TFEC: variants seen among roughly 807,000 people sequenced by gnomAD.
TFEC encodes transcription factor EC, also known as class E basic helix-loop-helix protein 34.
In TFEC, 31 loss-of-function variants were observed where a neutral mutation model predicts 41.6. The observed-to-expected ratio is 0.74, with a 90% CI of 0.56 to 1.01. TFEC has a LOEUF of 1.01. Among genes scored for constraint, TFEC ranks in the 50% least tolerant of loss-of-function variants. The pLI is 0.00. For missense variants in TFEC, 402 were observed against 404.1 expected (o/e 0.99, Z 0.04); for synonymous variants, 143 against 140.6 (o/e 1.02, Z -0.12).
At chr7:115,992,534 G>A (rs375472392) in intron 1 of TFEC, among the ~76,000 whole-genome samples, 11 of 152,280 alleles carry the variant, frequency 7.2e-5, no homozygotes, top group African/African-American at 2.6e-4. Context: ...TGGCACCACT[G>A]ATCCCACAGA....
At chr7:116,145,097 C>G (rs567189385) in intron 1 of TFEC, among the ~76,000 whole-genome samples, 12 of 152,314 alleles carry the variant, frequency 7.9e-5, no homozygotes, top group Admixed American at 3.9e-4. Flanking sequence ...AATCACCCCA[C>G]CTTTTTCCTT....
chr7:115,986,557 G>A (rs1276097100), intron 1 of TFEC, among the ~76,000 whole-genome samples: 1 of 152,044 alleles, frequency 6.6e-6, no homozygotes, highest in Non-Finnish European at 1.5e-5. Flanking sequence ...AAGAGAAAGT[G>A]ATTTTAAGTC....
chr7:115,974,162 G>C lies in TFEC; in HGVS notation c.267+8C>G. On this transcript the variant is annotated splice_region_variant and intron_variant, in intron 3 of 7. Transcript: ENST00000265440. ...TTCAATGACCTTCTTGGGTCTGAAA[G>C]CACTTACTGTTCTTTGCATTAGCAG... The C allele has an allele frequency of 6.3e-7, 1 of 1,581,890 alleles. No individual in the cohort carries two copies. Among genetic ancestry groups the C allele is most frequent in the South Asian group, 1.2e-5 (1 of 84,972 alleles).
intron 1 of TFEC, among the ~76,000 whole-genome samples, chr7:116,146,317 A>G (rs1244618983): frequency 1.3e-5 from 2 of 152,208 alleles, no homozygotes; most frequent in African/African-American, 4.8e-5. Flanking sequence ...CCTGAGTATA[A>G]CAAAGAAAAC....
intron 3 of TFEC, among the ~76,000 whole-genome samples, chr7:115,969,703 C>T (rs892226607): frequency 6.6e-6 from 1 of 151,928 alleles, no homozygotes; most frequent in African/African-American, 2.4e-5. Flanking sequence ...GAAGATTATT[C>T]TGGCTGCTCT....
intron 3 of TFEC, among the ~76,000 whole-genome samples, chr7:115,969,916 TTTTG>T (rs1471909180): frequency 6.6e-6 from 1 of 151,984 alleles, no homozygotes; most frequent in Non-Finnish European, 1.5e-5. Context: ...GAATGACCAT[TTTTG>T]TTTGTTTCTT....
intron 1 of TFEC, among the ~76,000 whole-genome samples, chr7:116,006,156 G>C (rs752640857): frequency 6.6e-6 from 1 of 152,216 alleles, no homozygotes; most frequent in African/African-American, 2.4e-5. Flanking sequence ...TGTGGGGTCA[G>C]AGCCTCCGCA....
chr7:116,121,718 T>A (rs892323999), intron 1 of TFEC, among the ~76,000 whole-genome samples: 3 of 152,072 alleles, frequency 2.0e-5, no homozygotes, highest in African/African-American at 7.2e-5. Flanking sequence ...ATTAATATTA[T>A]GTGACGATTA....
At chr7:115,968,046 C>G in intron 3 of TFEC, 1 of 802,412 alleles carries the variant, frequency 1.2e-6, no homozygotes, top group Non-Finnish European at 1.8e-6. Flanking sequence ...GTCAATACAG[C>G]AGAATATATT....
At chr7:115,994,639 T>C (rs536019760) in intron 1 of TFEC, among the ~76,000 whole-genome samples, 18 of 152,174 alleles carry the variant, frequency 1.2e-4, no homozygotes, top group Admixed American at 8.5e-4. Flanking sequence ...ATCAAAACCA[T>C]AATGAGATAC....
intron 1 of TFEC, among the ~76,000 whole-genome samples, chr7:116,115,635 A>G (rs958260401): frequency 1.3e-5 from 2 of 151,924 alleles, no homozygotes; most frequent in African/African-American, 2.4e-5. Context: ...CCACCTCAAC[A>G]TCCTTAACTT....
At chr7:116,059,154 C>T (rs1796495687) in intron 3 of TFEC, among the ~76,000 whole-genome samples, 1 of 151,670 alleles carries the variant, frequency 6.6e-6, no homozygotes, top group African/African-American at 2.4e-5. Flanking sequence ...ATACAAATCA[C>T]CCAATAAGGA....
At chr7:116,082,632 TTA>T (rs1490410746) in intron 3 of TFEC, among the ~76,000 whole-genome samples, 2 of 152,022 alleles carry the variant, frequency 1.3e-5, no homozygotes, top group Non-Finnish European at 2.9e-5. Flanking sequence ...CATTGATTTA[TTA>T]TACAGAATCT....
intron 1 of TFEC, among the ~76,000 whole-genome samples, chr7:116,154,098 T>G (rs1798820062): frequency 6.6e-6 from 1 of 152,220 alleles, no homozygotes; most frequent in Non-Finnish European, 1.5e-5. Flanking sequence ...TTAAGAGGAC[T>G]GTTCTTTAAT....
At position 115,935,434 on chromosome 7, in the gene TFEC, T is replaced by C. The variant is rs1793181800; in HGVS notation, c.*5117A>G. On this transcript the variant is annotated 3_prime_UTR_variant, in exon 8 of 8. Coordinates refer to ENST00000265440, the MANE Select transcript of TFEC (RefSeq NM_012252.4). ...TAAAACACTATTAAAGTCAAAGATT[T>C]TTAACTACATAATAATTATTAAGAT... The C allele has an allele frequency of 6.6e-6, 1 of 152,084 alleles. No homozygotes were observed. The highest frequency in any genetic ancestry group is 6.6e-5 in the Admixed American group (1 of 15,220). The allele number at this position is 152,084 out of a possible 1,614,324, so 9.4% of individuals were successfully genotyped here. A position where few individuals can be genotyped will look rare whatever the true frequency, so the allele number is the denominator to read the frequency against.
At chr7:116,153,164 C>A (rs1259971721) in intron 1 of TFEC, among the ~76,000 whole-genome samples, 1 of 152,188 alleles carries the variant, frequency 6.6e-6, no homozygotes, top group Non-Finnish European at 1.5e-5. Context: ...GAAATACCAA[C>A]AGGCTGGACA....
chr7:116,138,678 A>T (rs1210775105), intron 1 of TFEC, among the ~76,000 whole-genome samples: 1 of 152,246 alleles, frequency 6.6e-6, no homozygotes, highest in East Asian at 1.9e-4. Context: ...AACAAGTTAA[A>T]AATCCTTAGA....
At chr7:115,952,039 T>C (rs1162772219) in intron 5 of TFEC, among the ~76,000 whole-genome samples, 2 of 152,040 alleles carry the variant, frequency 1.3e-5, no homozygotes, top group Non-Finnish European at 2.9e-5. Context: ...TGTTGGAAAA[T>C]ACTTAAACAG....
chr7:116,131,320 A>C (rs1231350429), intron 1 of TFEC, among the ~76,000 whole-genome samples: 1 of 152,198 alleles, frequency 6.6e-6, no homozygotes, highest in Non-Finnish European at 1.5e-5. Flanking sequence ...ACAGGGCACA[A>C]AGACCAGCCA....
Sources: allele counts gnomAD v4.1 joint callset (sites outside exome capture counted in the v4.1 genomes callset), GRCh38; gene constraint gnomAD v4.1.1; transcripts MANE v1.5; gene names NCBI Gene and HGNC (gene_info 2026-07-23, HGNC 2026-07-21).